The following SLC17A8 variants were observed in gnomAD, a reference collection of about 807,000 sequenced individuals.
SLC17A8 encodes solute carrier family 17 member 8.
In SLC17A8, 31 loss-of-function variants were observed where a neutral mutation model predicts 58.0. That is an observed-to-expected ratio of 0.53 (90% CI 0.40 to 0.72). SLC17A8 has a LOEUF of 0.72. SLC17A8 is among the 30% of genes least tolerant of loss of function. The probability of loss-of-function intolerance (pLI) is 0.00; values close to 1 mark genes in which losing one functional copy is unlikely to be tolerated. For synonymous variants in SLC17A8, 228 were observed against 249.0 expected (o/e 0.92, Z 0.79); for missense variants, 655 against 727.8 (o/e 0.90, Z 1.15).
At chr12:100,418,404 G>T (rs534645928) in intron 11 of SLC17A8, among the ~76,000 whole-genome samples, 1 of 152,250 alleles carries the variant, frequency 6.6e-6, no homozygotes, top group African/African-American at 2.4e-5. Context: ...GGGGAGAGGG[G>T]ATGGGCCATA....
At chr12:100,370,612 TAAAAAAAA>T (rs61103377) in intron 1 of SLC17A8, among the ~76,000 whole-genome samples, 228 of 127,162 alleles carry the variant, frequency 1.8e-3, no homozygotes, top group Non-Finnish European at 2.1e-3. Context: ...ATCTAAATTC[TAAAAAAAA>T]AAAAAAAAAA....
chr12:100,368,990 G>A (rs1209256765), intron 1 of SLC17A8, among the ~76,000 whole-genome samples: 1 of 152,108 alleles, frequency 6.6e-6, no homozygotes, highest in African/African-American at 2.4e-5. Flanking sequence ...GTTAAGAATT[G>A]GGCTGGGGGC....
intron 8 of SLC17A8, among the ~76,000 whole-genome samples, chr12:100,403,275 C>T (rs1000679635): frequency 4.0e-5 from 6 of 148,262 alleles, no homozygotes; most frequent in Admixed American, 6.8e-5. Flanking sequence ...TTAGGACCAG[C>T]CTGACCAACA....
chr12:100,406,910 T>C (rs1434713358), intron 9 of SLC17A8, among the ~76,000 whole-genome samples: 1 of 152,160 alleles, frequency 6.6e-6, no homozygotes, highest in Non-Finnish European at 1.5e-5. Context: ...TAGGAGGTGA[T>C]TTCAGTTGTC....
chr12:100,393,684 A>C (rs1025050451), intron 4 of SLC17A8, among the ~76,000 whole-genome samples: 2 of 152,222 alleles, frequency 1.3e-5, no homozygotes, highest in Non-Finnish European at 2.9e-5. Flanking sequence ...ATTTATGAAC[A>C]ATAAAGTACC....
Position 100,401,809 on chromosome 12 carries a change from C to A in SLC17A8, c.709C>A (p.Leu237Met), listed in dbSNP as rs1952792993. The A allele has an allele frequency of 3.7e-6, 6 of 1,613,950 alleles. No homozygotes were observed. The Admixed American group carries it at 1.0e-4, about 27-fold the overall frequency. The change falls in exon 6 of 12, where the codon CTG becomes ATG. Residue 237 changes from leucine (L) to methionine (M), a missense_variant. By Grantham distance (15) the Leu-to-Met change is conservative. Transcript: ENST00000323346. Reference sequence around the variant, plus strand: ...TGCAGGGGCAGTGGTTGCCATGCCCCTGGCTGGGGTGTTGGTGCAGTACAT... The same window carrying A: ...TGCAGGGGCAGTGGTTGCCATGCCCATGGCTGGGGTGTTGGTGCAGTACAT... ...SYAGAVVAMPLAGVLVQYIGW... is the reference protein window; with the variant it reads ...SYAGAVVAMPMAGVLVQYIGW...
chr12:100,402,549 A>AATGTCAAT, intron 7 of SLC17A8, 47 bp from the exon 8 acceptor site: 1 of 1,612,978 alleles, frequency 6.2e-7, no homozygotes. Flanking sequence ...TTACAGAAAA[A>AATGTCAAT]ATGTCAATAT....
intron 1 of SLC17A8, among the ~76,000 whole-genome samples, chr12:100,358,682 A>C (rs1350923860): frequency 1.3e-5 from 2 of 152,232 alleles, no homozygotes; most frequent in Non-Finnish European, 2.9e-5. Context: ...AATTACAATA[A>C]CATTTTTTTC....
intron 10 of SLC17A8, among the ~76,000 whole-genome samples, chr12:100,417,425 T>C (rs190515769): frequency 6.6e-6 from 1 of 152,332 alleles, no homozygotes; most frequent in Non-Finnish European, 1.5e-5. Flanking sequence ...CCCAAATTAC[T>C]TGTTTACATA....
At chr12:100,395,624 CT>C (rs748545074) in intron 4 of SLC17A8, among the ~76,000 whole-genome samples, 34 of 144,848 alleles carry the variant, frequency 2.3e-4, no homozygotes, top group East Asian at 4.1e-4. Flanking sequence ...TGTGCCTGGC[CT>C]TTTTTTTTTT....
At chr12:100,375,076 G>C (rs1184702031) in intron 1 of SLC17A8, among the ~76,000 whole-genome samples, 1 of 151,188 alleles carries the variant, frequency 6.6e-6, no homozygotes, top group Non-Finnish European at 1.5e-5. Context: ...TGTGCACACA[G>C]AGGGTGCTTG....
At chr12:100,377,745 C>T (rs557222348) in intron 1 of SLC17A8, among the ~76,000 whole-genome samples, 4 of 152,018 alleles carry the variant, frequency 2.6e-5, no homozygotes, top group South Asian at 2.1e-4. Flanking sequence ...CGTGCCACCA[C>T]GGCCAGCTAA....
intron 3 of SLC17A8, among the ~76,000 whole-genome samples, chr12:100,392,576 A>C (rs1952724431): frequency 6.6e-6 from 1 of 152,140 alleles, no homozygotes; most frequent in Non-Finnish European, 1.5e-5. Context: ...AAAGTGATAA[A>C]ATATTGGTTG....
intron 5 of SLC17A8, among the ~76,000 whole-genome samples, chr12:100,401,461 T>G (rs1952790789): frequency 6.6e-6 from 1 of 152,180 alleles, no homozygotes; most frequent in Non-Finnish European, 1.5e-5. Flanking sequence ...TTGCGCCTGG[T>G]TGAATTTTCA....
intron 2 of SLC17A8, among the ~76,000 whole-genome samples, chr12:100,385,688 A>G (rs1391522070): frequency 6.6e-6 from 1 of 152,246 alleles, no homozygotes; most frequent in Non-Finnish European, 1.5e-5. Flanking sequence ...CATTGCCCTT[A>G]TTGTGAAATG....
At chr12:100,394,633 C>T (rs988981997) in intron 4 of SLC17A8, among the ~76,000 whole-genome samples, 12 of 150,508 alleles carry the variant, frequency 8.0e-5, no homozygotes, top group Admixed American at 2.7e-4. Flanking sequence ...GAACTCCTGA[C>T]CTCAGGTGAT....
intron 2 of SLC17A8, among the ~76,000 whole-genome samples, chr12:100,386,696 T>TTC (rs1055530730): frequency 1.3e-5 from 2 of 151,460 alleles, no homozygotes; most frequent in East Asian, 1.9e-4. Context: ...CATTTCCTTT[T>TTC]TTTTTTTTTT....
At chr12:100,398,646 T>G (rs970773683) in intron 5 of SLC17A8, among the ~76,000 whole-genome samples, 21 of 151,762 alleles carry the variant, frequency 1.4e-4, no homozygotes, top group African/African-American at 4.6e-4. Flanking sequence ...AGGCTTGGAG[T>G]GTATAAATTC....
intron 1 of SLC17A8, among the ~76,000 whole-genome samples, chr12:100,359,404 A>G (rs780134098): frequency 4.6e-5 from 7 of 152,172 alleles, no homozygotes; most frequent in Admixed American, 1.3e-4. Flanking sequence ...TTAGGGATAT[A>G]ACAAAATTGG....
Sources: allele counts gnomAD v4.1 joint callset (sites outside exome capture counted in the v4.1 genomes callset), GRCh38; gene constraint gnomAD v4.1.1; transcripts MANE v1.5; gene names NCBI Gene and HGNC (gene_info 2026-07-23, HGNC 2026-07-21).